The following CHCHD6 variants were observed in gnomAD, a reference collection of about 807,000 sequenced individuals.
CHCHD6 encodes the protein coiled-coil-helix-coiled-coil-helix domain containing 6, also known as MICOS complex subunit MIC25.
In CHCHD6, 28 loss-of-function variants were observed where a neutral mutation model predicts 32.3. The observed-to-expected ratio is 0.87, with a 90% CI of 0.64 to 1.19. CHCHD6 has a LOEUF of 1.19. Ranked by LOEUF, CHCHD6 falls within the 50% of genes most tolerant of loss-of-function variation. CHCHD6 has a pLI of 0.00. For missense variants in CHCHD6, 333 were observed against 307.0 expected (o/e 1.08, Z -0.63); for synonymous variants, 122 against 117.5 (o/e 1.04, Z -0.25).
At chr3:126,802,930 A>C (rs957707373) in intron 4 of CHCHD6, among the ~76,000 whole-genome samples, 1 of 152,130 alleles carries the variant, frequency 6.6e-6, no homozygotes, top group Non-Finnish European at 1.5e-5. Context: ...AAAGAAAAGA[A>C]TTTTCAACCC....
chr3:126,789,207 TC>T (rs1938391624), intron 4 of CHCHD6, among the ~76,000 whole-genome samples: 1 of 152,234 alleles, frequency 6.6e-6, no homozygotes, highest in South Asian at 2.1e-4. Flanking sequence ...TAATTTCTGT[TC>T]TTTTACATTT....
At chr3:126,744,700 C>G (rs540541620) in intron 4 of CHCHD6, among the ~76,000 whole-genome samples, 1 of 151,302 alleles carries the variant, frequency 6.6e-6, no homozygotes, top group Admixed American at 6.6e-5. Context: ...TTTTTTTTTT[C>G]TCCCCGAGAC....
intron 5 of CHCHD6, among the ~76,000 whole-genome samples, chr3:126,902,086 C>G (rs1310229291): frequency 6.6e-6 from 1 of 152,210 alleles, no homozygotes; most frequent in South Asian, 2.1e-4. Flanking sequence ...AGCTCAGGTT[C>G]CCTGACCTTA....
chr3:126,711,672 C>T (rs748261288), intron 1 of CHCHD6, among the ~76,000 whole-genome samples: 8 of 152,162 alleles, frequency 5.3e-5, no homozygotes, highest in Non-Finnish European at 1.0e-4. Context: ...CATCTCCATG[C>T]GCCCATTTAG....
chr3:126,812,825 A>G (rs1458127362), intron 4 of CHCHD6, among the ~76,000 whole-genome samples: 2 of 151,974 alleles, frequency 1.3e-5, no homozygotes, highest in African/African-American at 2.4e-5. Flanking sequence ...GGATTTTTAC[A>G]TGTGCCTTTG....
At chr3:126,786,927 A>T (rs1418602640) in intron 4 of CHCHD6, among the ~76,000 whole-genome samples, 3 of 152,144 alleles carry the variant, frequency 2.0e-5, no homozygotes, top group Non-Finnish European at 2.9e-5. Context: ...GGTATTGCCT[A>T]TGTTTTCTTC....
At chr3:126,736,263 C>T (rs765604065) in intron 4 of CHCHD6, among the ~76,000 whole-genome samples, 1 of 152,216 alleles carries the variant, frequency 6.6e-6, no homozygotes, top group African/African-American at 2.4e-5. Context: ...CAGCCTGCTG[C>T]GTGGAGTGCT....
intron 5 of CHCHD6, among the ~76,000 whole-genome samples, chr3:126,861,051 G>A (rs1190453839): frequency 1.3e-5 from 2 of 152,094 alleles, no homozygotes; most frequent in African/African-American, 2.4e-5. Context: ...GAGCCCTGGG[G>A]ACTTTCATCT....
chr3:126,847,726 A>G (rs1430365079), intron 4 of CHCHD6, among the ~76,000 whole-genome samples: 2 of 151,886 alleles, frequency 1.3e-5, no homozygotes, highest in African/African-American at 4.8e-5. Context: ...TTTTCTGTTT[A>G]CCATTCTCTC....
At chr3:126,833,265 G>A (rs981258116) in intron 4 of CHCHD6, among the ~76,000 whole-genome samples, 1 of 152,068 alleles carries the variant, frequency 6.6e-6, no homozygotes, top group Admixed American at 6.5e-5. Context: ...CGAAGTTGGG[G>A]GTACATTTCA....
At chr3:126,798,814 C>G (rs561019679) in intron 4 of CHCHD6, among the ~76,000 whole-genome samples, 6 of 152,318 alleles carry the variant, frequency 3.9e-5, no homozygotes, top group East Asian at 1.9e-4. Flanking sequence ...GCCTCTCACT[C>G]CATGTGGGCT....
At chr3:126,818,466 C>T (rs1468660973) in intron 4 of CHCHD6, among the ~76,000 whole-genome samples, 7 of 152,152 alleles carry the variant, frequency 4.6e-5, no homozygotes, top group Non-Finnish European at 1.0e-4. Context: ...TTGTTACCTG[C>T]ACTGGTTTTG....
chr3:126,947,690 C>G (rs2078659145), intron 6 of CHCHD6, among the ~76,000 whole-genome samples: 1 of 152,160 alleles, frequency 6.6e-6, no homozygotes, highest in East Asian at 1.9e-4. Context: ...CAGAAGTTCC[C>G]AAGACCACAG....
intron 4 of CHCHD6, among the ~76,000 whole-genome samples, chr3:126,757,924 C>T (rs2107670986): frequency 6.6e-6 from 1 of 152,288 alleles, no homozygotes; most frequent in African/African-American, 2.4e-5. Flanking sequence ...ATAAACAAAA[C>T]AAATCTGAAA....
intron 1 of CHCHD6, among the ~76,000 whole-genome samples, chr3:126,711,793 T>G (rs1312176606): frequency 6.6e-6 from 1 of 152,238 alleles, no homozygotes; most frequent in African/African-American, 2.4e-5. Context: ...CATCAGGAAT[T>G]GCCAGCTTGG....
chr3:126,880,244 T>C (rs554882909), intron 5 of CHCHD6, among the ~76,000 whole-genome samples: 1 of 152,248 alleles, frequency 6.6e-6, no homozygotes, highest in East Asian at 1.9e-4. Context: ...CTCAGTGTTT[T>C]ATGGGGACAA....
At chr3:126,910,015 G>A (rs1304251279) in intron 5 of CHCHD6, among the ~76,000 whole-genome samples, 2 of 152,172 alleles carry the variant, frequency 1.3e-5, no homozygotes, top group Non-Finnish European at 1.5e-5. Flanking sequence ...AGTAAGTCAC[G>A]CCTATAATCC....
intron 4 of CHCHD6, among the ~76,000 whole-genome samples, chr3:126,740,688 A>G (rs1286240835): frequency 6.6e-6 from 1 of 152,194 alleles, no homozygotes; most frequent in Admixed American, 6.5e-5. Context: ...ATTTGCTCAG[A>G]GAACAAGGGT....
chr3:126,819,833 G>A (rs966402991), intron 4 of CHCHD6, among the ~76,000 whole-genome samples: 10 of 152,246 alleles, frequency 6.6e-5, no homozygotes, highest in African/African-American at 2.4e-4. Context: ...TAAAATTCTG[G>A]CTTTCAAGAT....
Sources: gnomAD v4.1 joint callset for allele counts (sites outside exome capture counted in the v4.1 genomes callset) on GRCh38, gnomAD v4.1.1 for gene constraint, MANE v1.5 for transcripts, NCBI Gene and HGNC (gene_info 2026-07-23, HGNC 2026-07-21) for gene names.